Variants in PCDH9 observed in about 807,000 individuals in gnomAD.
The protein encoded by PCDH9 is protocadherin 9, also known as protocadherin-9.
PCDH9 carries 24 observed loss-of-function variants against 70.6 expected under a neutral mutation model. That is an observed-to-expected ratio of 0.34 (90% CI 0.25 to 0.48). The LOEUF is 0.48. Among genes scored for constraint, PCDH9 ranks in the 20% least tolerant of loss-of-function variants. The pLI, the probability that PCDH9 is intolerant of heterozygous loss-of-function variation, is 0.99. For synonymous variants in PCDH9, 562 were observed against 558.5 expected (o/e 1.01, Z -0.09); for missense variants, 1,281 against 1,503.6 (o/e 0.85, Z 2.45).
At chr13:66,370,172 G>A (rs1956619861) in intron 4 of PCDH9, among the ~76,000 whole-genome samples, 3 of 151,940 alleles carry the variant, frequency 2.0e-5, no homozygotes, top group Admixed American at 2.0e-4. Flanking sequence ...GCCCCTTTGA[G>A]ATGTAAATCT....
Position 67,226,038 on chromosome 13 carries a change from C to T in PCDH9, c.2403G>A (p.Gly801=). 1.2e-5 allele frequency: 20 copies of T among 1,614,010 alleles called. No individual in the cohort carries two copies. Among genetic ancestry groups the T allele is most frequent in the Admixed American group, 1.7e-5 (1 of 60,002 alleles). ...CATTTTGATAGGGTTGGCTACTATC[C>T]CCTATGTTCCTGTCCAACGGGGTCT... ...TMETPLDRNI[G]DSSQPYQNED... The change falls in exon 2 of 5, where the codon GGG becomes GGA. Residue 801 remains glycine, a synonymous_variant. Transcript: ENST00000377865. This position sits in a 1 kb window ranked among gnomAD's most constrained non-coding sequence, Gnocchi z 5.0.
intron 2 of PCDH9, among the ~76,000 whole-genome samples, chr13:67,006,972 G>A (rs751712505): frequency 4.5e-4 from 68 of 152,078 alleles, no homozygotes; most frequent in Admixed American, 3.6e-3. Context: ...TTTAAAGAAC[G>A]GAAATTGATC....
At chr13:66,578,209 T>C (rs2076841378) in intron 4 of PCDH9, among the ~76,000 whole-genome samples, 1 of 152,114 alleles carries the variant, frequency 6.6e-6, no homozygotes, top group East Asian at 1.9e-4. Context: ...CTCTTCAGTA[T>C]CAAGGAAAAC....
At position 66,420,528 on chromosome 13, in the gene PCDH9, T is replaced by TA. The variant is rs1176726732; in HGVS notation, c.3341-115501dup. ...GCTGTTCTGCAGCCTCTGCTGGTGATACCCAGGCAAACAAGGCATGGAGTG... is the reference window on the plus strand; with the variant it reads ...GCTGTTCTGCAGCCTCTGCTGGTGATAACCCAGGCAAACAAGGCATGGAGTG... On this transcript the variant is annotated intron_variant, in intron 4 of 4. Coordinates refer to ENST00000377865, the MANE Select transcript of PCDH9 (RefSeq NM_203487.3). 2.0e-5 allele frequency among the ~76,000 whole-genome samples: 3 copies of TA among 152,138 alleles called. No homozygotes were observed. The East Asian group carries it at 5.8e-4, about 29-fold the overall frequency.
intron 2 of PCDH9, among the ~76,000 whole-genome samples, chr13:67,141,770 A>T (rs1047814305): frequency 6.8e-6 from 1 of 147,852 alleles, no homozygotes; most frequent in Non-Finnish European, 1.5e-5. Context: ...AAAAAAAAGA[A>T]GTTGGGAAAC....
intron 2 of PCDH9, among the ~76,000 whole-genome samples, chr13:66,955,048 C>A (rs1166982419): frequency 2.6e-5 from 4 of 152,200 alleles, no homozygotes; most frequent in African/African-American, 4.8e-5. Flanking sequence ...CAGGCGTGAG[C>A]CACTGAGATA....
At position 66,497,619 on chromosome 13, in the gene PCDH9, T is replaced by C. The variant is rs1335809126; in HGVS notation, c.3340+133591A>G. On this transcript the variant is annotated intron_variant, in intron 4 of 4. Coordinates refer to ENST00000377865, the MANE Select transcript of PCDH9 (RefSeq NM_203487.3). ...TAGAGATCATATTTCAAATGCTACATTTTAATGATGAGAAATTTGAGACCA... is the reference window on the plus strand; with the variant it reads ...TAGAGATCATATTTCAAATGCTACACTTTAATGATGAGAAATTTGAGACCA... 3.9e-5 allele frequency among the ~76,000 whole-genome samples: 6 copies of C among 152,208 alleles called. No individual in the cohort carries two copies. In the East Asian group the frequency reaches 7.7e-4, roughly 20 times the overall value.
chr13:66,398,872 G>A (rs970421408), intron 4 of PCDH9, among the ~76,000 whole-genome samples: 1 of 152,136 alleles, frequency 6.6e-6, no homozygotes, highest in South Asian at 2.1e-4. Flanking sequence ...ATTTGTAATT[G>A]TATACTGTGA....
chr13:67,006,279 T>A (rs578237833), intron 2 of PCDH9, among the ~76,000 whole-genome samples: 3 of 152,144 alleles, frequency 2.0e-5, no homozygotes, highest in Non-Finnish European at 4.4e-5. Flanking sequence ...AATATTGTTA[T>A]AACACCCTAA....
chr13:66,995,080 G>T (rs1258760138), intron 2 of PCDH9, among the ~76,000 whole-genome samples: 2 of 152,174 alleles, frequency 1.3e-5, no homozygotes, highest in African/African-American at 4.8e-5. Flanking sequence ...GGAGGGTGCT[G>T]ACAGCTCTCA....
At chr13:66,527,929 A>G (rs1031664353) in intron 4 of PCDH9, among the ~76,000 whole-genome samples, 1 of 152,040 alleles carries the variant, frequency 6.6e-6, no homozygotes, top group Non-Finnish European at 1.5e-5. Flanking sequence ...GAGGCAGGAG[A>G]ATTGCTTGAA....
chr13:67,156,444 G>T (rs1406169316), intron 2 of PCDH9, among the ~76,000 whole-genome samples: 4 of 151,960 alleles, frequency 2.6e-5, no homozygotes, highest in African/African-American at 7.2e-5. Flanking sequence ...AGAGCACACC[G>T]ACAGGACACA....
intron 4 of PCDH9, among the ~76,000 whole-genome samples, chr13:66,516,051 T>A (rs1959718819): frequency 6.6e-6 from 1 of 152,026 alleles, no homozygotes; most frequent in Admixed American, 6.6e-5. Flanking sequence ...CTTAACACCA[T>A]TTGAAATACT....
intron 2 of PCDH9, among the ~76,000 whole-genome samples, chr13:67,169,536 T>C (rs1241434411): frequency 1.3e-5 from 2 of 152,184 alleles, no homozygotes; most frequent in African/African-American, 2.4e-5. Context: ...GAAGTGCTCA[T>C]TGTTTAATTA....
At chr13:66,846,659 G>A (rs9317620) in intron 3 of PCDH9, among the ~76,000 whole-genome samples, 46,984 of 151,800 alleles carry the variant, frequency 0.31, 7,783 homozygotes, top group Non-Finnish European at 0.37. Context: ...ATTATTCACT[G>A]TATTAAGCTA....
intron 4 of PCDH9, among the ~76,000 whole-genome samples, chr13:66,365,920 T>C (rs188544622): frequency 6.6e-6 from 1 of 152,246 alleles, no homozygotes; most frequent in East Asian, 1.9e-4. Flanking sequence ...TATTAATTAT[T>C]ATAAAACAAA....
intron 4 of PCDH9, among the ~76,000 whole-genome samples, chr13:66,509,532 G>A (rs1959359873): frequency 6.6e-6 from 1 of 152,120 alleles, no homozygotes; most frequent in African/African-American, 2.4e-5. Context: ...TGTTTCCACT[G>A]GCTCACCCCA....
chr13:66,798,960 C>T (rs575784586), intron 3 of PCDH9, among the ~76,000 whole-genome samples: 10 of 151,998 alleles, frequency 6.6e-5, no homozygotes, highest in African/African-American at 2.2e-4. Context: ...GATTACAGCG[C>T]GTGCCACCAG....
intron 2 of PCDH9, among the ~76,000 whole-genome samples, chr13:67,033,561 C>T (rs1237576378): frequency 2.6e-5 from 4 of 152,006 alleles, no homozygotes. Context: ...GTCTTTCTGC[C>T]TGGAATGACA....
Sources: gnomAD v4.1 joint callset for allele counts (sites outside exome capture counted in the v4.1 genomes callset) on GRCh38, gnomAD v4.1.1 for gene constraint, Gnocchi (gnomAD v3.1) non-coding constraint, MANE v1.5 for transcripts, NCBI Gene and HGNC (gene_info 2026-07-23, HGNC 2026-07-21) for gene names.